Variants in ADGRB3 observed in about 807,000 individuals in gnomAD.
ADGRB3 encodes brain-specific angiogenesis inhibitor 3.
In ADGRB3, 37 loss-of-function variants were observed where a neutral mutation model predicts 193.4. The ratio of observed to expected loss-of-function variants is 0.19; its 90% CI spans 0.15 to 0.25. The LOEUF is 0.25. Ranked by LOEUF, ADGRB3 falls within the 10% of genes least tolerant of loss-of-function variation. ADGRB3 has a pLI of 1.00. For missense variants in ADGRB3, 1,637 were observed against 1,852.9 expected (o/e 0.88, Z 2.14); for synonymous variants, 690 against 644.2 (o/e 1.07, Z -1.08).
intron 17 of ADGRB3, among the ~76,000 whole-genome samples, chr6:69,117,902 CTA>C (rs1319191279): frequency 2.0e-5 from 3 of 152,164 alleles, no homozygotes; most frequent in African/African-American, 7.2e-5. Context: ...TCTGGAATGA[CTA>C]TATTAAAACG....
chr6:69,022,042 T>C (rs1467741251), intron 13 of ADGRB3, among the ~76,000 whole-genome samples: 1 of 151,816 alleles, frequency 6.6e-6, no homozygotes, highest in East Asian at 1.9e-4. Flanking sequence ...TTCAATATAA[T>C]ATTTAGTTTT....
At chr6:69,163,651 C>G (rs922767045) in intron 17 of ADGRB3, among the ~76,000 whole-genome samples, 1 of 151,984 alleles carries the variant, frequency 6.6e-6, no homozygotes, top group African/African-American at 2.4e-5. Flanking sequence ...TGCCAGTCAC[C>G]AAGATTTTCT....
chr6:69,349,942 G>T (rs10455684), intron 26 of ADGRB3, among the ~76,000 whole-genome samples: 2 of 152,082 alleles, frequency 1.3e-5, no homozygotes, highest in Non-Finnish European at 2.9e-5. Flanking sequence ...AACATCGCTC[G>T]GTGCTCTTCC....
At chr6:69,266,528 T>C (rs1359457887) in intron 20 of ADGRB3, among the ~76,000 whole-genome samples, 1 of 152,070 alleles carries the variant, frequency 6.6e-6, no homozygotes, top group Non-Finnish European at 1.5e-5. Flanking sequence ...AAGAGCCATT[T>C]GTACTATTTA....
intron 3 of ADGRB3, among the ~76,000 whole-genome samples, chr6:68,757,954 T>A (rs1766327572): frequency 6.6e-6 from 1 of 152,066 alleles, no homozygotes; most frequent in Admixed American, 6.6e-5. Context: ...GATCAGAAAC[T>A]CCTTATTACA....
chr6:69,335,837 G>T (rs1253418216), intron 24 of ADGRB3, among the ~76,000 whole-genome samples: 1 of 151,936 alleles, frequency 6.6e-6, no homozygotes, highest in Non-Finnish European at 1.5e-5. Context: ...ACCAAATATT[G>T]TACCAAGATG....
Position 68,846,589 on chromosome 6 carries a change from G to T in ADGRB3, c.758-83970G>T, listed in dbSNP as rs145086038. Among the ~76,000 whole-genome samples, 337 of 152,330 alleles carry T rather than the reference G, an allele frequency of 2.2e-3. 3 individuals carry two copies. The highest frequency in any genetic ancestry group is 7.6e-3 in the African/African-American group (315 of 41,578). On this transcript the variant is annotated intron_variant, in intron 3 of 31. Coordinates refer to ENST00000370598, the MANE Select transcript of ADGRB3 (RefSeq NM_001704.3). ...GGGTCAATGTACAGTTCAGGCTGTG[G>T]CTTCAGAGGGTGGAAGCCCAAAACC...
chr6:69,238,470 T>G (rs546956566), intron 19 of ADGRB3, among the ~76,000 whole-genome samples: 1 of 152,162 alleles, frequency 6.6e-6, no homozygotes, highest in East Asian at 1.9e-4. Context: ...ATGGCAGATG[T>G]CAAGTGATTT....
chr6:69,254,822 G>C (rs1234685564), intron 20 of ADGRB3, among the ~76,000 whole-genome samples: 3 of 149,394 alleles, frequency 2.0e-5, no homozygotes, highest in Non-Finnish European at 4.4e-5. Context: ...TCGTCATCTA[G>C]CATTAGATAT....
intron 6 of ADGRB3, among the ~76,000 whole-genome samples, chr6:68,945,329 A>C (rs751259053): frequency 1.3e-5 from 2 of 152,098 alleles, no homozygotes; most frequent in Non-Finnish European, 2.9e-5. Context: ...ACAATTATGA[A>C]TATTAGATGG....
At chr6:69,366,820 G>A (rs1157213711) in intron 29 of ADGRB3, among the ~76,000 whole-genome samples, 3 of 152,078 alleles carry the variant, frequency 2.0e-5, no homozygotes, top group Non-Finnish European at 4.4e-5. Flanking sequence ...GGCTGTTGTC[G>A]TGCAGCTCTT....
intron 3 of ADGRB3, among the ~76,000 whole-genome samples, chr6:68,838,964 CAACACAAA>C (rs1266676003): frequency 6.6e-6 from 1 of 152,018 alleles, no homozygotes; most frequent in Non-Finnish European, 1.5e-5. Context: ...AGTTCCAAGT[CAACACAAA>C]AACACAAAAA....
chr6:68,994,425 T>G (rs1769328142), intron 11 of ADGRB3, among the ~76,000 whole-genome samples: 1 of 152,210 alleles, frequency 6.6e-6, no homozygotes, highest in Non-Finnish European at 1.5e-5. Context: ...TATCAAACTA[T>G]TCCCTGAAAA....
At chr6:68,936,454 G>C in intron 4 of ADGRB3, 65 bp from the exon 5 acceptor site, 1 of 1,483,508 alleles carries the variant, frequency 6.7e-7, no homozygotes, top group Non-Finnish European at 9.2e-7. Flanking sequence ...TGTCAGTTTG[G>C]TATAATGCTT....
At chr6:69,248,919 T>C (rs556013986) in intron 20 of ADGRB3, among the ~76,000 whole-genome samples, 76 of 152,296 alleles carry the variant, frequency 5.0e-4, no homozygotes, top group African/African-American at 1.8e-3. Flanking sequence ...ACCTTGGCAG[T>C]TTTTGAAAAG....
chr6:68,800,121 G>A (rs1767283782), intron 3 of ADGRB3, among the ~76,000 whole-genome samples: 1 of 152,130 alleles, frequency 6.6e-6, no homozygotes, highest in African/African-American at 2.4e-5. Context: ...ATATCATGGT[G>A]TCTTGGACTA....
chr6:69,180,068 A>G (rs1011843005), intron 17 of ADGRB3, among the ~76,000 whole-genome samples: 2 of 152,228 alleles, frequency 1.3e-5, no homozygotes, highest in Non-Finnish European at 2.9e-5. Flanking sequence ...GTGGATGGCT[A>G]TTAAGCATCC....
chr6:68,745,145 T>C (rs1337102714), intron 3 of ADGRB3, among the ~76,000 whole-genome samples: 1 of 152,162 alleles, frequency 6.6e-6, no homozygotes, highest in Non-Finnish European at 1.5e-5. Context: ...TGCACATCCA[T>C]GTTCACAGCA....
rs149051963 is a variant in ADGRB3, at chr6:68,892,604, G to A, written c.758-37955G>A. Among the ~76,000 whole-genome samples, 343 of 152,098 alleles carry A rather than the reference G, an allele frequency of 2.3e-3. 1 individual carries two copies. The highest frequency in any genetic ancestry group is 8.0e-3 in the African/African-American group (332 of 41,482). The stretch of plus-strand genomic sequence containing the variant: ...TGGATTGTAAACTCCCTAAGAGCAG[G>A]GATCATGTGTGTCTTAACATTTCTC... On this transcript the variant is annotated intron_variant, in intron 3 of 31. Transcript: ENST00000370598.
Sources: allele counts gnomAD v4.1 joint callset (sites outside exome capture counted in the v4.1 genomes callset), GRCh38; gene constraint gnomAD v4.1.1; transcripts MANE v1.5; gene names NCBI Gene and HGNC (gene_info 2026-07-23, HGNC 2026-07-21).